ZNF423: variants seen among roughly 807,000 people sequenced by gnomAD.
ZNF423 encodes zinc finger protein 423.
A neutral mutation model predicts 95.8 loss-of-function variants in ZNF423; 12 were observed. The observed-to-expected ratio is 0.13, with a 90% confidence interval of 0.08 to 0.20. The LOEUF (loss-of-function observed/expected upper bound fraction) is 0.20. ZNF423 is among the 10% of genes least tolerant of loss of function. The pLI is 1.00. For synonymous variants in ZNF423, 749 were observed against 711.9 expected, an observed-to-expected ratio of 1.05 and a Z score of -0.83; for missense variants, 1,316 against 1,737.1, an observed-to-expected ratio of 0.76 and a Z score of 4.31.
intron 1 of ZNF423, among the ~76,000 whole-genome samples, chr16:49,811,193 G>C (rs2143958657): frequency 6.6e-6 from 1 of 152,246 alleles, no homozygotes; most frequent in South Asian, 2.1e-4. Context: ...ATTTCAAGAA[G>C]AAACAGATGG....
intron 3 of ZNF423, among the ~76,000 whole-genome samples, chr16:49,693,285 G>C (rs1005944038): frequency 2.0e-5 from 3 of 152,196 alleles, no homozygotes; most frequent in Non-Finnish European, 4.4e-5. Context: ...GAACCCGTGA[G>C]TATGAGGTAT....
At chr16:49,545,178 C>T (rs1006738582) in intron 5 of ZNF423, among the ~76,000 whole-genome samples, 2 of 152,226 alleles carry the variant, frequency 1.3e-5, no homozygotes, top group African/African-American at 4.8e-5. Flanking sequence ...GTCTGTTTCT[C>T]AGCCATGTGA....
At chr16:49,825,410 C>T (rs187117322) in intron 1 of ZNF423, among the ~76,000 whole-genome samples, 128 of 152,136 alleles carry the variant, frequency 8.4e-4, no homozygotes, top group African/African-American at 2.9e-3. Context: ...GATATATAAG[C>T]TCCCATTCTC....
intron 5 of ZNF423, among the ~76,000 whole-genome samples, chr16:49,588,463 T>C (rs1970911170): frequency 6.6e-6 from 1 of 152,182 alleles, no homozygotes; most frequent in African/African-American, 2.4e-5. Context: ...TCCCTTTCAC[T>C]CCATCTGGGT....
intron 5 of ZNF423, among the ~76,000 whole-genome samples, chr16:49,528,155 G>T (rs1475309088): frequency 6.6e-6 from 1 of 152,086 alleles, no homozygotes. Flanking sequence ...TAACCACTTG[G>T]CTGTGAATGG....
At chr16:49,723,735 T>C (rs189303011) in intron 3 of ZNF423, among the ~76,000 whole-genome samples, 156 of 152,352 alleles carry the variant, frequency 1.0e-3, no homozygotes, top group Non-Finnish European at 4.6e-4. Flanking sequence ...GGGATTGAGT[T>C]TGGTGTCAGG....
intron 2 of ZNF423, among the ~76,000 whole-genome samples, chr16:49,757,615 C>T (rs9936954): frequency 0.68 from 103,580 of 152,092 alleles, 36,337 homozygotes; most frequent in African/African-American, 0.85. Flanking sequence ...TTGTGGACAC[C>T]CAAACCAAGC....
intron 3 of ZNF423, among the ~76,000 whole-genome samples, chr16:49,657,234 G>C (rs949182074): frequency 2.0e-5 from 3 of 152,204 alleles, no homozygotes; most frequent in African/African-American, 7.2e-5. Flanking sequence ...CTGCTTCTCA[G>C]TCAAATCCCA....
At chr16:49,501,596 T>C (rs58933371) in intron 7 of ZNF423, among the ~76,000 whole-genome samples, 23,430 of 151,590 alleles carry the variant, frequency 0.15, 1,956 homozygotes, top group East Asian at 0.22. Flanking sequence ...TGCAGCACTA[T>C]TGACAGTAGC....
rs140749740 is a variant in ZNF423 at position 49,677,088 on chromosome 16, C to A, written c.302-38214G>T. ...CAGAAATTACCCTGGCGTGGTGGTG[C>A]GTGTCTGTAGTCCCAGCTACCCAGA... On this transcript the variant is annotated intron_variant, in intron 3 of 7. Coordinates refer to ENST00000563137, the MANE Select transcript of ZNF423 (RefSeq NM_001379286.1). Among the ~76,000 whole-genome samples, 533 of 150,528 alleles carry A rather than the reference C, an allele frequency of 3.5e-3. 4 individuals are homozygous for A. The highest frequency in any genetic ancestry group is 0.012 in the African/African-American group (475 of 40,864).
chr16:49,649,662 CA>C (rs1567532063), intron 3 of ZNF423, among the ~76,000 whole-genome samples: 1 of 71,180 alleles, frequency 1.4e-5, no homozygotes, highest in Admixed American at 1.4e-4. Context: ...CACACACACA[CA>C]CACACAGGGA....
intron 1 of ZNF423, among the ~76,000 whole-genome samples, chr16:49,816,711 G>C (rs2143998004): frequency 6.6e-6 from 1 of 152,224 alleles, no homozygotes; most frequent in Non-Finnish European, 1.5e-5. Context: ...TTGAGCCTGG[G>C]AGGTTGAGGC....
chr16:49,506,255 G>A lies in ZNF423; in HGVS notation c.3850-14951C>T, dbSNP rs143666383. On this transcript the variant is annotated intron_variant, in intron 7 of 7. Coordinates refer to ENST00000563137, the MANE Select transcript of ZNF423 (RefSeq NM_001379286.1). The stretch of plus-strand genomic sequence containing the variant: ...AGCTGGATGGATAGGGAGATGGATG[G>A]TAGATGATGGATGGATGGATAAATG... 3.0e-3 allele frequency among the ~76,000 whole-genome samples: 454 copies of A among 152,300 alleles called. 2 individuals are homozygous for A. Among genetic ancestry groups the A allele is most frequent in the African/African-American group, 0.011 (439 of 41,560 alleles).
At chr16:49,856,667 G>GC (rs957154697), upstream of ZNF423, among the ~76,000 whole-genome samples, 34 of 149,958 alleles carry the variant, frequency 2.3e-4, no homozygotes, top group Non-Finnish European at 4.0e-4. Context: ...CCCGGCGCCG[G>GC]CCCCCCGGAG....
At chr16:49,500,372 C>T (rs2151658530) in intron 7 of ZNF423, among the ~76,000 whole-genome samples, 1 of 152,306 alleles carries the variant, frequency 6.6e-6, no homozygotes, top group Middle Eastern at 3.4e-3. Flanking sequence ...AGAAATGCTG[C>T]ACTGATCTTG....
intron 3 of ZNF423, among the ~76,000 whole-genome samples, chr16:49,639,296 C>T (rs556210553): frequency 6.6e-6 from 1 of 152,342 alleles, no homozygotes; most frequent in East Asian, 1.9e-4. Context: ...AGTCAACTCC[C>T]CTCAAATCCC....
intron 6 of ZNF423, 61 bp from the exon 7 acceptor site, chr16:49,523,800 G>T: frequency 7.1e-7 from 1 of 1,405,054 alleles, no homozygotes; most frequent in Non-Finnish European, 1.0e-6. Context: ...TCCTGTGGCA[G>T]CTGCCCCCAC....
chr16:49,791,203 C>T (rs1482214917), intron 1 of ZNF423, among the ~76,000 whole-genome samples: 1 of 152,196 alleles, frequency 6.6e-6, no homozygotes, highest in African/African-American at 2.4e-5. Context: ...CAATGAAATG[C>T]ACAGATAATT....
intron 3 of ZNF423, among the ~76,000 whole-genome samples, chr16:49,679,226 C>T (rs2031248268): frequency 6.6e-6 from 1 of 152,246 alleles, no homozygotes; most frequent in Non-Finnish European, 1.5e-5. Flanking sequence ...GCGACCGCTG[C>T]AAAGATGCCA....
Sources: allele counts gnomAD v4.1 joint callset (sites outside exome capture counted in the v4.1 genomes callset), GRCh38; gene constraint gnomAD v4.1.1; transcripts MANE v1.5; gene names NCBI Gene and HGNC (gene_info 2026-07-23, HGNC 2026-07-21).